Variants in EML1 observed in about 807,000 individuals in gnomAD.
EML1 encodes the protein EMAP like 1, also known as echinoderm microtubule-associated protein-like 1.
Under a neutral mutation model 110.4 loss-of-function variants are expected in EML1, and 27 were observed. That is an observed-to-expected ratio of 0.24 (90% confidence interval 0.18 to 0.34). The LOEUF (loss-of-function observed/expected upper bound fraction) is 0.34. Ranked by LOEUF, EML1 falls within the 10% of genes least tolerant of loss-of-function variation. EML1 has a pLI of 1.00. For synonymous variants in EML1, 344 were observed against 385.8 expected (o/e 0.89, Z 1.27); for missense variants, 741 against 1,030.9 (o/e 0.72, Z 3.85).
intron 17 of EML1, among the ~76,000 whole-genome samples, chr14:99,927,704 G>A (rs2060259782): frequency 7.1e-6 from 1 of 141,232 alleles, no homozygotes; most frequent in African/African-American, 2.6e-5. Context: ...TTATTTTCCA[G>A]TTTCTGAGAT....
At chr14:99,836,165 A>G (rs2058537561) in intron 1 of EML1, among the ~76,000 whole-genome samples, 1 of 152,054 alleles carries the variant, frequency 6.6e-6, no homozygotes, top group African/African-American at 2.4e-5. Context: ...ATCCGTGAAC[A>G]TGGAATATAT....
intron 1 of EML1, among the ~76,000 whole-genome samples, chr14:99,817,462 G>C (rs141928245): frequency 2.0e-5 from 3 of 152,222 alleles, no homozygotes; most frequent in African/African-American, 4.8e-5. Flanking sequence ...CAGCGACGTG[G>C]TGCCTGTCCC....
chr14:99,834,423 T>C (rs1388890958), intron 1 of EML1, among the ~76,000 whole-genome samples: 1 of 152,052 alleles, frequency 6.6e-6, no homozygotes, highest in Non-Finnish European at 1.5e-5. Flanking sequence ...TGTCTCAGCC[T>C]CCTGAGTAGC....
chr14:99,901,047 T>C lies in EML1; in HGVS notation c.1008+8T>C. On this transcript the variant is annotated splice_region_variant and intron_variant, in intron 9 of 21. Coordinates refer to ENST00000262233, the MANE Select transcript of EML1 (RefSeq NM_004434.3). ...ATTGCATTCTCAAAATCTGTAAGTA[T>C]GTGCCCTGTGGATATTGCTGTCTTC... is the stretch of plus-strand genomic sequence containing the variant. 1 of 1,608,256 alleles carries C rather than the reference T, an allele frequency of 6.2e-7. No homozygotes were observed. Among genetic ancestry groups the C allele is most frequent in the Non-Finnish European group, 8.5e-7 (1 of 1,174,668 alleles).
intron 1 of EML1, among the ~76,000 whole-genome samples, chr14:99,799,422 A>G (rs1263104176): frequency 6.6e-6 from 1 of 152,256 alleles, no homozygotes; most frequent in Non-Finnish European, 1.5e-5. Flanking sequence ...AACACCTGTA[A>G]GGAAATTATC....
intron 1 of EML1, among the ~76,000 whole-genome samples, chr14:99,848,405 CAT>C (rs993931250): frequency 3.3e-5 from 5 of 152,086 alleles, no homozygotes; most frequent in African/African-American, 1.2e-4. Context: ...TGAGGTAATG[CAT>C]GTGTGTGTTA....
chr14:99,838,361 A>G (rs965663538), intron 1 of EML1, among the ~76,000 whole-genome samples: 2 of 152,212 alleles, frequency 1.3e-5, no homozygotes, highest in Admixed American at 6.5e-5. Flanking sequence ...CATTAAAGCT[A>G]CCTTTTTAGA....
At chr14:99,843,242 C>T (rs79501956) in intron 1 of EML1, among the ~76,000 whole-genome samples, 27 of 152,242 alleles carry the variant, frequency 1.8e-4, no homozygotes, top group African/African-American at 6.5e-4. Flanking sequence ...CAGAGTGAGA[C>T]ACTATTGCTA....
chr14:99,743,712 C>T (rs1313123665), intron 1 of EML1, among the ~76,000 whole-genome samples: 1 of 152,168 alleles, frequency 6.6e-6, no homozygotes, highest in Non-Finnish European at 1.5e-5. Context: ...TGACTGGGGG[C>T]CCCACGCCAG....
chr14:99,814,008 A>C (rs189213276), intron 1 of EML1, among the ~76,000 whole-genome samples: 334 of 152,284 alleles, frequency 2.2e-3, no homozygotes, highest in Non-Finnish European at 1.9e-3. Context: ...TGCAAATTGC[A>C]AGCCCAAGAT....
At chr14:99,814,259 A>C (rs1297727297) in intron 1 of EML1, among the ~76,000 whole-genome samples, 1 of 152,144 alleles carries the variant, frequency 6.6e-6, no homozygotes, top group Non-Finnish European at 1.5e-5. Context: ...GGTCAAAGGA[A>C]CTTATTTTAT....
intron 9 of EML1, among the ~76,000 whole-genome samples, chr14:99,903,632 A>T (rs1159610678): frequency 6.6e-6 from 1 of 152,206 alleles, no homozygotes; most frequent in African/African-American, 2.4e-5. Context: ...TGCCAGTAAC[A>T]TATTTATACA....
At chr14:99,851,529 G>C (rs927745880) in intron 2 of EML1, among the ~76,000 whole-genome samples, 9 of 151,948 alleles carry the variant, frequency 5.9e-5, no homozygotes, top group Admixed American at 3.3e-4. Context: ...GGATGGTCTC[G>C]ATCTCCTGAC....
intron 1 of EML1, among the ~76,000 whole-genome samples, chr14:99,786,127 G>T (rs1355323752): frequency 6.6e-6 from 1 of 151,664 alleles, no homozygotes; most frequent in African/African-American, 2.4e-5. Flanking sequence ...TAATATTCAG[G>T]TTACTAAAGG....
chr14:99,914,115 ATGAC>A (rs2059992839), intron 13 of EML1, 60 bp from the exon 14 acceptor site: 2 of 1,568,264 alleles, frequency 1.3e-6, no homozygotes, highest in African/African-American at 2.7e-5. Flanking sequence ...AGTGTTTTGA[ATGAC>A]TGAGCTAACA....
chr14:99,811,421 A>G (rs1455496293), intron 1 of EML1, among the ~76,000 whole-genome samples: 1 of 148,366 alleles, frequency 6.7e-6, no homozygotes, highest in Non-Finnish European at 1.5e-5. Context: ...CCAATAATAC[A>G]AGCAGTCGAT....
intron 1 of EML1, among the ~76,000 whole-genome samples, chr14:99,806,365 G>T (rs1227241338): frequency 6.8e-6 from 1 of 147,354 alleles, no homozygotes; most frequent in Admixed American, 6.8e-5. Flanking sequence ...GCCCAGGCTG[G>T]AGTGCAGTGG....
At chr14:99,811,328 G>A (rs901893278) in intron 1 of EML1, among the ~76,000 whole-genome samples, 27 of 151,806 alleles carry the variant, frequency 1.8e-4, no homozygotes, top group African/African-American at 5.3e-4. Flanking sequence ...TTACAGGTTC[G>A]AGCCACTGTG....
chr14:99,759,652 G>T lies in EML1; in HGVS notation c.28+21792G>T, dbSNP rs555765151. Among the ~76,000 whole-genome samples, 10 of 152,342 alleles carry T rather than the reference G, an allele frequency of 6.6e-5. No homozygotes were observed. In the East Asian group the frequency reaches 1.9e-3, roughly 29 times the overall value. ...GCCTTGGCCAGAGAGGAAAGGGCTTGTCCTGGCAGCTCCGAGGTGGCATTG... is the reference window on the plus strand; with the variant it reads ...GCCTTGGCCAGAGAGGAAAGGGCTTTTCCTGGCAGCTCCGAGGTGGCATTG... On this transcript the variant is annotated intron_variant, in intron 1 of 10. Coordinates refer to the EML1 transcript ENST00000554479.
Sources: allele counts gnomAD v4.1 joint callset (sites outside exome capture counted in the v4.1 genomes callset), GRCh38; gene constraint gnomAD v4.1.1; transcripts MANE v1.5; gene names NCBI Gene and HGNC (gene_info 2026-07-23, HGNC 2026-07-21).